WDR41: variants seen among roughly 807,000 people sequenced by gnomAD.
WDR41 encodes the protein WD repeat domain 41, also known as WD repeat-containing protein 41.
In WDR41, 63 loss-of-function variants were observed where a neutral mutation model predicts 69.3. The ratio of observed to expected loss-of-function variants is 0.91; its 90% CI spans 0.74 to 1.12. The LOEUF (loss-of-function observed/expected upper bound fraction) is 1.12, where lower values mean the gene tolerates loss of function less well. Among genes scored for constraint, WDR41 ranks in the 50% most tolerant of loss-of-function variants. WDR41 has a pLI of 0.00. For missense variants in WDR41, 543 were observed against 534.5 expected (o/e 1.02, Z -0.16); for synonymous variants, 185 against 192.1 (o/e 0.96, Z 0.31).
At chr5:77,445,427 G>A (rs1287485503) in intron 8 of WDR41, among the ~76,000 whole-genome samples, 1 of 152,144 alleles carries the variant, frequency 6.6e-6, no homozygotes, top group Admixed American at 6.5e-5. Flanking sequence ...ATTTTATGAA[G>A]CCAGCATCAT....
chr5:77,463,332 A>G (rs1800153217), intron 3 of WDR41, 106 bp from the exon 4 acceptor site: 2 of 998,520 alleles, frequency 2.0e-6, no homozygotes, highest in African/African-American at 1.7e-5. Flanking sequence ...TATACATTCC[A>G]TTTAAAATTA....
intron 2 of WDR41, among the ~76,000 whole-genome samples, chr5:77,481,618 C>A (rs922196099): frequency 1.2e-4 from 18 of 151,908 alleles, no homozygotes; most frequent in African/African-American, 4.3e-4. Context: ...AACCCTGTCT[C>A]TATTAAAAAT....
intron 8 of WDR41, among the ~76,000 whole-genome samples, chr5:77,443,096 T>TA (rs1484320922): frequency 6.6e-6 from 1 of 152,048 alleles, no homozygotes; most frequent in Non-Finnish European, 1.5e-5. Context: ...CTCTGCCTGT[T>TA]GCTAGACAGG....
chr5:77,480,535 G>A (rs1343067851), intron 2 of WDR41, among the ~76,000 whole-genome samples: 4 of 152,096 alleles, frequency 2.6e-5, no homozygotes, highest in African/African-American at 7.2e-5. Context: ...GGACATGGAT[G>A]AAATTGGAAA....
chr5:77,514,986 G>A (rs1398611872), intron 1 of WDR41, among the ~76,000 whole-genome samples: 1 of 152,112 alleles, frequency 6.6e-6, no homozygotes, highest in Non-Finnish European at 1.5e-5. Context: ...TGAATGTGAA[G>A]GCCTGGGACA....
intron 2 of WDR41, among the ~76,000 whole-genome samples, chr5:77,484,386 A>T (rs1161138983): frequency 6.6e-6 from 1 of 152,182 alleles, no homozygotes; most frequent in African/African-American, 2.4e-5. Context: ...CATTCACCAC[A>T]CATGGTGGAT....
chr5:77,575,067 C>T (rs1743805662), intron 1 of WDR41, among the ~76,000 whole-genome samples: 1 of 152,052 alleles, frequency 6.6e-6, no homozygotes, highest in Non-Finnish European at 1.5e-5. Flanking sequence ...AAAAAACAAA[C>T]ATATCTTATT....
chr5:77,432,466 T>A lies in WDR41; in HGVS notation c.*669A>T, dbSNP rs1468370990. 6.6e-6 allele frequency: 1 copy of A among 152,542 alleles called. No individual in the cohort carries two copies. The highest frequency in any genetic ancestry group is 6.5e-5 in the Admixed American group (1 of 15,278). The allele number at this position is 152,542 out of a possible 1,614,324, so 9.4% of individuals were successfully genotyped here. A position where few individuals can be genotyped will look rare whatever the true frequency, so the allele number is the denominator to read the frequency against. On this transcript the variant is annotated 3_prime_UTR_variant, in exon 13 of 13. Coordinates refer to ENST00000296679, the MANE Select transcript of WDR41 (RefSeq NM_018268.4). The stretch of plus-strand genomic sequence containing the variant: ...AATGATCTAGAGCTCATCCTTGGCG[T>A]ACATGAGGGGCAGTTGTTGTTCTAG...
At chr5:77,481,124 C>G (rs114011077) in intron 2 of WDR41, among the ~76,000 whole-genome samples, 59 of 151,798 alleles carry the variant, frequency 3.9e-4, no homozygotes, top group African/African-American at 1.4e-3. Flanking sequence ...CAGGTTCTAA[C>G]GATTCTCCTG....
intron 8 of WDR41, among the ~76,000 whole-genome samples, chr5:77,442,611 A>T (rs1799207723): frequency 6.6e-6 from 1 of 151,996 alleles, no homozygotes; most frequent in Non-Finnish European, 1.5e-5. Context: ...CTTTAAAAAA[A>T]GCCGGGTGCG....
At position 77,491,162 on chromosome 5, in the gene WDR41, G is replaced by C. The variant is rs531108446; in HGVS notation, c.51+1008C>G. ...GACATTCCACCACAAAAGTGAAAAT[G>C]GCCGGTCCTCGCCTTAAGTGATGAC... is the stretch of plus-strand genomic sequence containing the variant. On this transcript the variant is annotated intron_variant, in intron 1 of 12. Coordinates refer to ENST00000296679, the MANE Select transcript of WDR41 (RefSeq NM_018268.4). 2.5e-3 allele frequency: 994 copies of C among 404,602 alleles called. 5 individuals carry two copies. The highest frequency in any genetic ancestry group is 7.7e-3 in the Middle Eastern group (13 of 1,686). The allele number at this position is 404,602 out of a possible 1,614,324, so 25.1% of individuals were successfully genotyped here.
chr5:77,613,564 A>C (rs1744610656), intron 1 of WDR41, among the ~76,000 whole-genome samples: 1 of 152,186 alleles, frequency 6.6e-6, no homozygotes, highest in African/African-American at 2.4e-5. Context: ...CTATTTAATA[A>C]ATGGTGCTGG....
intron 1 of WDR41, among the ~76,000 whole-genome samples, chr5:77,519,514 A>T (rs1262380059): frequency 6.6e-6 from 1 of 152,014 alleles, no homozygotes; most frequent in Non-Finnish European, 1.5e-5. Context: ...AACAAAATAT[A>T]CTAAGAGTTC....
In WDR41 at chr5:77,592,738, T is replaced by C. The variant is rs148346039; in HGVS notation, c.42+27741A>G. ...TCCCAGCAATGATGTTTTCAATGCATGCAAAGTACTGCTAACATGAGAAAA... is the reference window on the plus strand; with the variant it reads ...TCCCAGCAATGATGTTTTCAATGCACGCAAAGTACTGCTAACATGAGAAAA... On this transcript the variant is annotated intron_variant, in intron 1 of 5. Transcript: ENST00000509971. Among the ~76,000 whole-genome samples, 1,254 of 152,308 alleles carry C rather than the reference T, an allele frequency of 8.2e-3. 11 individuals carry two copies. The highest frequency in any genetic ancestry group is 0.01 in the Middle Eastern group (3 of 294).
In WDR41 at chr5:77,433,235, A is replaced by AGAT; in HGVS notation, c.1277_1279dup (p.His426dup). ...CTCTCCATTTTTCCACAAAATAATG[A>AGAT]GATGATCAGCGGAGCACGTCACTAG... On this transcript the variant is annotated inframe_insertion, in exon 13 of 13. Coordinates refer to ENST00000296679, the MANE Select transcript of WDR41 (RefSeq NM_018268.4). The AGAT allele has an allele frequency of 6.2e-7, 1 of 1,614,066 alleles. No homozygotes were observed. Among genetic ancestry groups the AGAT allele is most frequent in the Admixed American group, 1.7e-5 (1 of 60,016 alleles).
At chr5:77,596,423 C>T (rs1268040884) in intron 1 of WDR41, among the ~76,000 whole-genome samples, 1 of 152,152 alleles carries the variant, frequency 6.6e-6, no homozygotes, top group Non-Finnish European at 1.5e-5. Flanking sequence ...AGCCTCCACG[C>T]CTGGCTGAAT....
At chr5:77,566,585 T>G (rs530856310) in intron 1 of WDR41, among the ~76,000 whole-genome samples, 2 of 152,284 alleles carry the variant, frequency 1.3e-5, no homozygotes, top group East Asian at 3.9e-4. Context: ...TTGCTGCCAT[T>G]TTTTAAAGAA....
At chr5:77,484,934 G>C (rs1180511392) in intron 2 of WDR41, among the ~76,000 whole-genome samples, 1 of 152,200 alleles carries the variant, frequency 6.6e-6, no homozygotes, top group East Asian at 1.9e-4. Context: ...AAGCAAGATA[G>C]TAGAAGCCAG....
rs1800232968 is a variant in WDR41 at position 77,464,827 on chromosome 5, G to C, written c.168-18C>G. ...ATGCAAATCTGGTTAGGGAGAAAGG[G>C]TCAAGAAAAAAAAATCACTGGTGAC... On this transcript the variant is annotated intron_variant, in intron 2 of 12. Transcript: ENST00000296679. 1.9e-6 allele frequency: 3 copies of C among 1,577,024 alleles called. No individual in the cohort carries two copies.
Sources: allele counts gnomAD v4.1 joint callset (sites outside exome capture counted in the v4.1 genomes callset), GRCh38; gene constraint gnomAD v4.1.1; transcripts MANE v1.5; gene names NCBI Gene and HGNC (gene_info 2026-07-23, HGNC 2026-07-21).